GALNT13: variants seen among roughly 807,000 people sequenced by gnomAD.
The protein encoded by GALNT13 is polypeptide N-acetylgalactosaminyltransferase 13.
Under a neutral mutation model 64.2 loss-of-function variants are expected in GALNT13, and 28 were observed. That is an observed-to-expected ratio of 0.44 (90% CI 0.32 to 0.60). GALNT13 has a LOEUF of 0.60. Among genes scored for constraint, GALNT13 ranks in the 20% least tolerant of loss-of-function variants. The probability of loss-of-function intolerance (pLI) is 0.05; values close to 1 mark genes in which losing one functional copy is unlikely to be tolerated. For missense variants in GALNT13, 577 were observed against 669.8 expected (o/e 0.86, Z 1.53); for synonymous variants, 214 against 224.6 (o/e 0.95, Z 0.42).
At chr2:153,993,191 T>C (rs1206576132) in intron 3 of GALNT13, among the ~76,000 whole-genome samples, 1 of 152,186 alleles carries the variant, frequency 6.6e-6, no homozygotes, top group East Asian at 1.9e-4. Context: ...CATTTACAAC[T>C]ATTGTATATA....
chr2:153,198,356 G>T, the GALNT13 span, among the ~76,000 whole-genome samples: 7 of 152,320 alleles, frequency 4.6e-5, no homozygotes, highest in African/African-American at 1.7e-4. Context: ...AGTCTGAGGT[G>T]AGAATGTAGG....
chr2:153,136,473 G>A, the GALNT13 span, among the ~76,000 whole-genome samples: 1 of 152,050 alleles, frequency 6.6e-6, no homozygotes, highest in Admixed American at 6.6e-5. Flanking sequence ...GATTGCGGAT[G>A]TGGACTGCAG....
At chr2:153,368,808 C>T in the GALNT13 span, among the ~76,000 whole-genome samples, 2 of 151,900 alleles carry the variant, frequency 1.3e-5, no homozygotes, top group Admixed American at 6.6e-5. Flanking sequence ...CTGAACAACA[C>T]TATAAACCAA....
At chr2:153,435,831 C>A in the GALNT13 span, among the ~76,000 whole-genome samples, 1 of 151,936 alleles carries the variant, frequency 6.6e-6, no homozygotes, top group African/African-American at 2.4e-5. Flanking sequence ...CCTTCTCCTG[C>A]CTGATTGCCC....
chr2:153,277,531 T>C, the GALNT13 span, among the ~76,000 whole-genome samples: 6 of 152,202 alleles, frequency 3.9e-5, no homozygotes, highest in Non-Finnish European at 5.9e-5. Context: ...TGAATTTCTT[T>C]GGTAGAGTAA....
the GALNT13 span, among the ~76,000 whole-genome samples, chr2:153,820,322 T>C: frequency 6.6e-6 from 1 of 152,106 alleles, no homozygotes; most frequent in Non-Finnish European, 1.5e-5. Flanking sequence ...GAGAGAATAA[T>C]TCAAGAAAAT....
rs904314736 is a variant in GALNT13, at chr2:154,452,353, A to G, written c.*1802A>G. 1.3e-5 allele frequency: 2 copies of G among 152,044 alleles called. No homozygotes were observed. The highest frequency in any genetic ancestry group is 2.4e-5 in the African/African-American group (1 of 41,410). 9.4% of individuals were successfully genotyped at this position (152,044 alleles called of 1,614,324 possible). ...AAATTAATAGCAGCCTCTCAAGTCC[A>G]TTGAGGCCTCATGTAAAATTCCCAT... On this transcript the variant is annotated 3_prime_UTR_variant, in exon 13 of 13. Coordinates refer to ENST00000392825, the MANE Select transcript of GALNT13 (RefSeq NM_052917.4).
the GALNT13 span, among the ~76,000 whole-genome samples, chr2:153,476,790 T>G: frequency 6.6e-6 from 1 of 152,260 alleles, no homozygotes; most frequent in South Asian, 2.1e-4. Context: ...GTAACAATGG[T>G]TTACCCTAGG....
At chr2:153,530,534 A>G in the GALNT13 span, among the ~76,000 whole-genome samples, 2 of 152,216 alleles carry the variant, frequency 1.3e-5, no homozygotes, top group South Asian at 2.1e-4. Context: ...TAAAATTCAT[A>G]TGAAATCACA....
At chr2:153,621,659 C>A in the GALNT13 span, among the ~76,000 whole-genome samples, 1 of 152,188 alleles carries the variant, frequency 6.6e-6, no homozygotes, top group African/African-American at 2.4e-5. Context: ...ACACTCAAAC[C>A]CCAACACAGT....
At chr2:154,229,185 C>A (rs1688785171) in intron 4 of GALNT13, among the ~76,000 whole-genome samples, 1 of 152,108 alleles carries the variant, frequency 6.6e-6, no homozygotes, top group African/African-American at 2.4e-5. Flanking sequence ...CCGGACACAT[C>A]TCTCTTCCTT....
intron 4 of GALNT13, among the ~76,000 whole-genome samples, chr2:154,156,894 G>A (rs966070483): frequency 1.3e-5 from 2 of 152,110 alleles, no homozygotes; most frequent in African/African-American, 4.8e-5. Flanking sequence ...AGAATAGAAT[G>A]ATTAAATAGT....
the GALNT13 span, among the ~76,000 whole-genome samples, chr2:153,592,460 T>C: frequency 6.6e-6 from 1 of 152,148 alleles, no homozygotes; most frequent in African/African-American, 2.4e-5. Context: ...TCTATCATTG[T>C]ATGATTTGAT....
the GALNT13 span, among the ~76,000 whole-genome samples, chr2:153,765,765 T>C: frequency 3.3e-5 from 5 of 152,240 alleles, no homozygotes; most frequent in Middle Eastern, 6.8e-3. Context: ...AATCCCCTCA[T>C]GTCCAGGGTG....
the GALNT13 span, among the ~76,000 whole-genome samples, chr2:153,501,063 G>GT: frequency 3.0e-5 from 4 of 131,672 alleles, no homozygotes; most frequent in African/African-American, 1.2e-4. Flanking sequence ...AAAGTTACCA[G>GT]TAAAAAAAAA....
chr2:153,331,197 G>C, the GALNT13 span, among the ~76,000 whole-genome samples: 1 of 149,536 alleles, frequency 6.7e-6, no homozygotes, highest in South Asian at 2.1e-4. Flanking sequence ...GAAGATTTTT[G>C]TGTCTATGTT....
At chr2:153,113,024 G>C in the GALNT13 span, among the ~76,000 whole-genome samples, 2 of 152,064 alleles carry the variant, frequency 1.3e-5, no homozygotes, top group African/African-American at 4.8e-5. Context: ...TTTAAAGAAT[G>C]CTAGGTAGAA....
At chr2:153,299,179 A>G in the GALNT13 span, among the ~76,000 whole-genome samples, 1 of 152,230 alleles carries the variant, frequency 6.6e-6, no homozygotes, top group Non-Finnish European at 1.5e-5. Flanking sequence ...ATGTCATAGT[A>G]CAAAGAATAT....
At chr2:154,113,805 A>G (rs1215541870) in intron 3 of GALNT13, among the ~76,000 whole-genome samples, 1 of 152,272 alleles carries the variant, frequency 6.6e-6, no homozygotes, top group Non-Finnish European at 1.5e-5. Context: ...CCCCTGAGGT[A>G]GGACAGTAAA....
Sources: gnomAD v4.1 joint callset for allele counts (sites outside exome capture counted in the v4.1 genomes callset) on GRCh38, gnomAD v4.1.1 for gene constraint, MANE v1.5 for transcripts, NCBI Gene and HGNC (gene_info 2026-07-23, HGNC 2026-07-21) for gene names.